The following NKAIN2 variants were observed in gnomAD, a reference collection of about 807,000 sequenced individuals.
NKAIN2 encodes sodium/potassium transporting ATPase interacting 2.
A neutral mutation model predicts 32.6 loss-of-function variants in NKAIN2; 14 were observed. The observed-to-expected ratio is 0.43, with a 90% CI of 0.28 to 0.67. The LOEUF is 0.67. NKAIN2 is among the 30% of genes least tolerant of loss of function. The pLI, the probability that NKAIN2 is intolerant of heterozygous loss-of-function variation, is 0.17. For missense variants in NKAIN2, 198 were observed against 258.3 expected, an observed-to-expected ratio of 0.77 and a Z score of 1.60; for synonymous variants, 80 against 87.2, an observed-to-expected ratio of 0.92 and a Z score of 0.46.
chr6:124,028,626 A>G (rs1348116519), intron 1 of NKAIN2, among the ~76,000 whole-genome samples: 8 of 151,568 alleles, frequency 5.3e-5, no homozygotes, highest in Non-Finnish European at 1.0e-4. Context: ...TTAGCAAAAT[A>G]AATACACATT....
chr6:123,954,412 C>A, intron 1 of NKAIN2, among the ~76,000 whole-genome samples: 1 of 117,986 alleles, frequency 8.5e-6, no homozygotes, highest in South Asian at 2.4e-4. Context: ...GGGGTTCACT[C>A]TTGTCCTTTC....
At chr6:124,724,194 C>A (rs943606279) in intron 4 of NKAIN2, among the ~76,000 whole-genome samples, 2 of 152,034 alleles carry the variant, frequency 1.3e-5, no homozygotes, top group African/African-American at 4.8e-5. Flanking sequence ...GGTTTAAATA[C>A]TAAGCCCCTA....
intron 1 of NKAIN2, among the ~76,000 whole-genome samples, chr6:124,103,726 T>TA (rs1784992355): frequency 6.6e-6 from 1 of 152,224 alleles, no homozygotes. Context: ...AATATTAGTA[T>TA]AATAAAGAAA....
At chr6:124,166,707 A>C (rs1788562044) in intron 1 of NKAIN2, among the ~76,000 whole-genome samples, 1 of 151,902 alleles carries the variant, frequency 6.6e-6, no homozygotes, top group East Asian at 1.9e-4. Flanking sequence ...AGGTGTAAGG[A>C]AGGGATCCAG....
chr6:124,417,726 A>G (rs1013133186), intron 3 of NKAIN2, among the ~76,000 whole-genome samples: 7 of 152,154 alleles, frequency 4.6e-5, no homozygotes, highest in Non-Finnish European at 1.0e-4. Context: ...ATGGTGGCCA[A>G]AGTGAACAAT....
Position 123,804,223 on chromosome 6 carries a change from G to A in NKAIN2, c.23G>A (p.Cys8Tyr), listed in dbSNP as rs777708808. The A allele has an allele frequency of 1.2e-6, 2 of 1,614,006 alleles. No homozygotes were observed. Among genetic ancestry groups the A allele is most frequent in the South Asian group, 2.2e-5 (2 of 91,076 alleles). Residue 8 changes from cysteine (C) to tyrosine (Y), a missense_variant, in exon 1 of 7, where the codon TGC (cysteine) becomes TAC (tyrosine). By Grantham distance (194) the Cys-to-Tyr change is radical. Coordinates refer to ENST00000368417, the MANE Select transcript of NKAIN2 (RefSeq NM_001040214.3). Reference protein sequence around the residue: MGYCSGRCTLIFICGMQL... With the variant: MGYCSGRYTLIFICGMQL... ...ACCATGGGTTATTGCAGTGGCAGGT[G>A]CACGCTTATCTTTATCTGTGGCATG...
chr6:124,687,743 T>TACACACACAC (rs373594549), intron 4 of NKAIN2, among the ~76,000 whole-genome samples: 7,861 of 104,210 alleles, frequency 0.075, 435 homozygotes, highest in African/African-American at 0.092. Context: ...ATATGATATA[T>TACACACACAC]ACACACACAC....
At chr6:124,640,377 C>T (rs1783939197) in intron 3 of NKAIN2, among the ~76,000 whole-genome samples, 1 of 152,114 alleles carries the variant, frequency 6.6e-6, no homozygotes, top group African/African-American at 2.4e-5. Flanking sequence ...ATTGTGGCCT[C>T]AGGTGAGTTC....
At chr6:124,364,866 G>C (rs1487954318) in intron 3 of NKAIN2, among the ~76,000 whole-genome samples, 1 of 151,866 alleles carries the variant, frequency 6.6e-6, no homozygotes, top group East Asian at 1.9e-4. Flanking sequence ...AAAATATTTG[G>C]GGATTTAAAT....
At chr6:124,574,310 A>C (rs4896440) in intron 3 of NKAIN2, among the ~76,000 whole-genome samples, 68,302 of 134,602 alleles carry the variant, frequency 0.51, 17,859 homozygotes, top group Non-Finnish European at 0.59. Flanking sequence ...AAACAGAAAA[A>C]GTTAAAAAAA....
intron 2 of NKAIN2, among the ~76,000 whole-genome samples, chr6:124,352,995 T>C (rs1020835666): frequency 3.3e-5 from 5 of 152,222 alleles, no homozygotes; most frequent in Admixed American, 6.5e-5. Context: ...TTTTGAGTTA[T>C]CATTTATTGT....
At chr6:124,194,642 A>G (rs1490179763) in intron 1 of NKAIN2, among the ~76,000 whole-genome samples, 1 of 152,126 alleles carries the variant, frequency 6.6e-6, no homozygotes, top group African/African-American at 2.4e-5. Context: ...TCTAGGTCAT[A>G]GATGGCTTAG....
chr6:124,332,264 AAG>A (rs1797694837), intron 2 of NKAIN2, among the ~76,000 whole-genome samples: 1 of 150,800 alleles, frequency 6.6e-6, no homozygotes, highest in African/African-American at 2.4e-5. Context: ...GAGAGAGAGA[AAG>A]AGAAAGAGAG....
chr6:124,143,498 T>A (rs949808328), intron 1 of NKAIN2, among the ~76,000 whole-genome samples: 14 of 152,082 alleles, frequency 9.2e-5, no homozygotes, highest in Non-Finnish European at 1.5e-4. Flanking sequence ...CAACAACTGC[T>A]CCTAATTAAA....
At chr6:124,637,402 A>G (rs1171772349) in intron 3 of NKAIN2, among the ~76,000 whole-genome samples, 1 of 152,094 alleles carries the variant, frequency 6.6e-6, no homozygotes, top group Non-Finnish European at 1.5e-5. Context: ...TAGATAAGAG[A>G]AAGAAAAAGA....
chr6:124,537,931 T>C (rs1779776396), intron 3 of NKAIN2, among the ~76,000 whole-genome samples: 1 of 152,194 alleles, frequency 6.6e-6, no homozygotes, highest in African/African-American at 2.4e-5. Flanking sequence ...TTTAATTACC[T>C]TTAATATTTT....
chr6:124,031,933 T>C (rs1468032753), intron 1 of NKAIN2, among the ~76,000 whole-genome samples: 2 of 152,120 alleles, frequency 1.3e-5, no homozygotes, highest in African/African-American at 2.4e-5. Context: ...CAAAGGCTTA[T>C]AAATCATGCT....
chr6:124,502,169 A>G (rs966613164), intron 3 of NKAIN2, among the ~76,000 whole-genome samples: 1 of 152,126 alleles, frequency 6.6e-6, no homozygotes, highest in Non-Finnish European at 1.5e-5. Context: ...AATAAAGATA[A>G]CAATGTATAG....
intron 4 of NKAIN2, among the ~76,000 whole-genome samples, chr6:124,706,500 A>AAAAAC (rs3051830): frequency 0.19 from 28,506 of 151,886 alleles, 2,856 homozygotes; most frequent in East Asian, 0.34. Flanking sequence ...GGTCCTCAAA[A>AAAAAC]AAAACAAAAA....
Sources: allele counts gnomAD v4.1 joint callset (sites outside exome capture counted in the v4.1 genomes callset), GRCh38; gene constraint gnomAD v4.1.1; transcripts MANE v1.5; gene names NCBI Gene and HGNC (gene_info 2026-07-23, HGNC 2026-07-21).